The following TNFSF11 variants were observed in gnomAD, a reference collection of about 807,000 sequenced individuals.
TNFSF11 encodes the protein TNF superfamily member 11, also known as tumor necrosis factor ligand superfamily member 11.
In TNFSF11, 12 loss-of-function variants were observed where a neutral mutation model predicts 32.2. The ratio of observed to expected loss-of-function variants is 0.37; its 90% confidence interval spans 0.24 to 0.60. The LOEUF (loss-of-function observed/expected upper bound fraction) is 0.60. TNFSF11 is among the 20% of genes least tolerant of loss of function. The pLI is 0.66. For missense variants in TNFSF11, 345 were observed against 398.0 expected (o/e 0.87, Z 1.13); for synonymous variants, 172 against 152.1 (o/e 1.13, Z -0.96).
rs1026759734 is a variant in TNFSF11 at position 42,581,306 on chromosome 13, C to G, written c.387+13C>G. ...AGCTGTGCAAAAGGTAAGTCCACAT[C>G]GAGGCTGATAAGTCAAGGGCCCTTG... On this transcript the variant is annotated intron_variant, in intron 2 of 4. Transcript: ENST00000398795. 10 of 1,613,876 alleles carry G rather than the reference C, an allele frequency of 6.2e-6. No homozygotes were observed. Among genetic ancestry groups the G allele is most frequent in the Non-Finnish European group, 8.5e-6 (10 of 1,179,848 alleles).
intron 2 of TNFSF11, among the ~76,000 whole-genome samples, chr13:42,599,817 A>G (rs949736744): frequency 6.6e-6 from 1 of 152,132 alleles, no homozygotes; most frequent in African/African-American, 2.4e-5. Context: ...TGATCCGCCC[A>G]TGCCAGCCTC....
chr13:42,606,750 G>T lies in TNFSF11; in HGVS notation c.786G>T (p.Lys262Asn). Residue 262 changes from lysine (K) to asparagine (N), a missense_variant, in exon 5 of 5, where the codon AAG (lysine) becomes AAT (asparagine). Physicochemically the swap from Lys to Asn is moderately conservative, Grantham distance 94. Coordinates refer to ENST00000398795, the MANE Select transcript of TNFSF11 (RefSeq NM_003701.4). ...CCCTGATGAAAGGAGGAAGCACCAA[G>T]TATTGGTCAGGGAATTCTGAATTCC... ...SHTLMKGGST[K>N]YWSGNSEFHF... 1 of 1,614,204 alleles carries T rather than the reference G, an allele frequency of 6.2e-7. No individual in the cohort carries two copies. Among genetic ancestry groups the T allele is most frequent in the Non-Finnish European group, 8.5e-7 (1 of 1,180,030 alleles).
Position 42,581,078 on chromosome 13 carries a change from A to G in TNFSF11, c.220-48A>G, listed in dbSNP as rs1194344631. 5 of 1,596,692 alleles carry G rather than the reference A, an allele frequency of 3.1e-6. No homozygotes were observed. The South Asian group carries it at 5.5e-5, about 18-fold the overall frequency. ...AAGTCACACTGTATTAAATAGCAGG[A>G]TGACTAGTGATAAGCACTCTAACGT... On this transcript the variant is annotated intron_variant, in intron 1 of 4. Transcript: ENST00000398795.
chr13:42,569,315 G>A (rs796662310), upstream of TNFSF11, among the ~76,000 whole-genome samples: 4 of 152,106 alleles, frequency 2.6e-5, no homozygotes, highest in South Asian at 2.1e-4. Context: ...TTGTGAGGCC[G>A]AGGTGGGTGG....
chr13:42,587,888 G>A (rs1873973759), intron 2 of TNFSF11, among the ~76,000 whole-genome samples: 1 of 152,144 alleles, frequency 6.6e-6, no homozygotes, highest in Non-Finnish European at 1.5e-5. Context: ...TTGTGAAACT[G>A]TAATCATTGA....
rs1008007206 is a variant in TNFSF11 at position 42,607,123 on chromosome 13, A to G, written c.*205A>G. On this transcript the variant is annotated 3_prime_UTR_variant, in exon 5 of 5. Coordinates refer to ENST00000398795, the MANE Select transcript of TNFSF11 (RefSeq NM_003701.4). ...TGTTAGACTCATGGTGTGTTACACA[A>G]TGGTTTTTAAATTTTGTAATGAATT... is the stretch of plus-strand genomic sequence containing the variant. 6.5e-6 allele frequency: 4 copies of G among 614,050 alleles called. No homozygotes were observed. The highest frequency in any genetic ancestry group is 3.4e-5 in the Admixed American group (1 of 29,706). The allele number at this position is 614,050 out of a possible 1,614,324, so 38.0% of individuals were successfully genotyped here. A position where few individuals can be genotyped will look rare whatever the true frequency, so the allele number is the denominator to read the frequency against.
intron 1 of TNFSF11, among the ~76,000 whole-genome samples, chr13:42,577,988 C>CT (rs1873404440): frequency 6.6e-6 from 1 of 152,146 alleles, no homozygotes; most frequent in Non-Finnish European, 1.5e-5. Context: ...TTTACTGTGA[C>CT]TTTTGGTTGA....
chr13:42,599,734 T>C (rs1263533572), intron 2 of TNFSF11, among the ~76,000 whole-genome samples: 1 of 152,056 alleles, frequency 6.6e-6, no homozygotes, highest in East Asian at 1.9e-4. Context: ...CACACCTGGC[T>C]AATTTTTGTA....
At chr13:42,605,000 G>A (rs1398321848) in intron 4 of TNFSF11, among the ~76,000 whole-genome samples, 3 of 152,086 alleles carry the variant, frequency 2.0e-5, no homozygotes, top group Non-Finnish European at 1.5e-5. Context: ...GACCAGGCTG[G>A]TCTCGAACTC....
chr13:42,592,902 C>T lies in TNFSF11; in HGVS notation c.388-7850C>T, dbSNP rs1290642398. On this transcript the variant is annotated intron_variant, in intron 2 of 4. Transcript: ENST00000398795. ...CACCCTGTGATGAAGGTGCCTGCTT[C>T]TCCTTTGCCTTCCACCAAGACTGTA... is the stretch of plus-strand genomic sequence containing the variant. 2.0e-5 allele frequency among the ~76,000 whole-genome samples: 3 copies of T among 152,228 alleles called. No individual in the cohort carries two copies. In the East Asian group the frequency reaches 5.8e-4, roughly 29 times the overall value.
At chr13:42,569,517 C>A (rs148035256), upstream of TNFSF11, among the ~76,000 whole-genome samples, 1 of 146,558 alleles carries the variant, frequency 6.8e-6, no homozygotes, top group Non-Finnish European at 1.5e-5. Flanking sequence ...CACTGCACTC[C>A]AGCCTGGGCT....
intron 2 of TNFSF11, among the ~76,000 whole-genome samples, chr13:42,595,642 C>A (rs1413874821): frequency 6.6e-6 from 1 of 152,198 alleles, no homozygotes; most frequent in Non-Finnish European, 1.5e-5. Flanking sequence ...AATCTACAGG[C>A]ATTCTGATGG....
intron 2 of TNFSF11, among the ~76,000 whole-genome samples, chr13:42,587,068 A>G (rs111542635): frequency 1.1e-4 from 17 of 152,208 alleles, no homozygotes; most frequent in South Asian, 2.1e-4. Flanking sequence ...TCCCTCTCAC[A>G]TAACAATCCA....
chr13:42,572,719 T>C (rs1873114550), upstream of TNFSF11, among the ~76,000 whole-genome samples: 1 of 152,210 alleles, frequency 6.6e-6, no homozygotes, highest in Non-Finnish European at 1.5e-5. Flanking sequence ...TATGGCTGCC[T>C]TTAAAAAAAA....
intron 2 of TNFSF11, among the ~76,000 whole-genome samples, chr13:42,568,555 T>C (rs1312864304): frequency 6.6e-6 from 1 of 152,222 alleles, no homozygotes; most frequent in Admixed American, 6.5e-5. Context: ...TAAGACCAAG[T>C]TGCTTGTAAA....
At position 42,600,884 on chromosome 13, in the gene TNFSF11, G is replaced by A. The variant is rs775866494; in HGVS notation, c.435G>A (p.Ala145=). The A allele has an allele frequency of 3.0e-5, 49 of 1,613,990 alleles. No individual in the cohort carries two copies. In the East Asian group the frequency reaches 3.8e-4, roughly 12 times the overall value. ...VGSQHIRAEK[A]MVDGSWLDLA... ...TAATATGGTTTCTCTCATCTCCAGCGATGGTGGATGGCTCATGGTTAGATC... is the reference window on the plus strand; with the variant it reads ...TAATATGGTTTCTCTCATCTCCAGCAATGGTGGATGGCTCATGGTTAGATC... Residue 145 remains alanine (A), a splice_region_variant and synonymous_variant, in exon 4 of 5, where the codon GCG becomes GCA. Coordinates refer to ENST00000398795, the MANE Select transcript of TNFSF11 (RefSeq NM_003701.4).
chr13:42,601,821 A>G (rs1869190591), intron 4 of TNFSF11, among the ~76,000 whole-genome samples: 1 of 152,206 alleles, frequency 6.6e-6, no homozygotes, highest in Non-Finnish European at 1.5e-5. Context: ...CCCTTCCTCA[A>G]TACCTCTCAT....
At chr13:42,599,808 G>A (rs1464703905) in intron 2 of TNFSF11, among the ~76,000 whole-genome samples, 1 of 152,114 alleles carries the variant, frequency 6.6e-6, no homozygotes, top group Non-Finnish European at 1.5e-5. Context: ...GACCTCAAGT[G>A]ATCCGCCCAT....
At chr13:42,582,829 T>C (rs1873683020) in intron 2 of TNFSF11, among the ~76,000 whole-genome samples, 2 of 152,248 alleles carry the variant, frequency 1.3e-5, no homozygotes, top group South Asian at 4.1e-4. Flanking sequence ...TTGTCCCACT[T>C]GTGAAGCTTA....
Sources: allele counts gnomAD v4.1 joint callset (sites outside exome capture counted in the v4.1 genomes callset), GRCh38; gene constraint gnomAD v4.1.1; transcripts MANE v1.5; gene names NCBI Gene and HGNC (gene_info 2026-07-23, HGNC 2026-07-21).